The following MRE11 variants were observed in gnomAD, a reference collection of about 807,000 sequenced individuals.
MRE11 encodes MRE11 double strand break repair nuclease, also known as double-strand break repair protein MRE11.
Under a neutral mutation model 91.7 loss-of-function variants are expected in MRE11, and 62 were observed. That is an observed-to-expected ratio of 0.68 (90% CI 0.55 to 0.84). The LOEUF (loss-of-function observed/expected upper bound fraction) is 0.84, where lower values mean the gene tolerates loss of function less well. MRE11 is among the 40% of genes least tolerant of loss of function. The pLI, the probability that MRE11 is intolerant of heterozygous loss-of-function variation, is 0.00. For missense variants in MRE11, 796 were observed against 852.9 expected, an observed-to-expected ratio of 0.93 and a Z score of 0.83; for synonymous variants, 273 against 271.4, an observed-to-expected ratio of 1.01 and a Z score of -0.06.
chr11:94,447,258 G>C lies in MRE11; in HGVS notation c.1744C>G (p.Gln582Glu). 6.2e-7 allele frequency: 1 copy of C among 1,613,760 alleles called. No individual in the cohort carries two copies. Among genetic ancestry groups the C allele is most frequent in the Non-Finnish European group, 8.5e-7 (1 of 1,179,972 alleles). Residue 582 changes from glutamine to glutamate, a missense_variant, in exon 15 of 20, where the codon CAG becomes GAG. Coordinates refer to ENST00000323929, the MANE Select transcript of MRE11 (RefSeq NM_005591.4). ...RGRGRRGGRG[Q>E]NSASRGGSQR... ...GACCCTCCTCTCGATGCTGAATTCT[G>C]CCCTCTTCCACCTCTTCGACCTCTT... is the stretch of plus-strand genomic sequence containing the variant.
chr11:94,450,888 C>T (rs1353304130), intron 14 of MRE11, among the ~76,000 whole-genome samples: 2 of 152,088 alleles, frequency 1.3e-5, no homozygotes, highest in African/African-American at 4.8e-5. Flanking sequence ...AAGCACTGGT[C>T]CTTTGGGACA....
chr11:94,489,310 C>T (rs1455305661), intron 3 of MRE11, among the ~76,000 whole-genome samples: 2 of 151,328 alleles, frequency 1.3e-5, no homozygotes, highest in South Asian at 2.1e-4. Flanking sequence ...CAGAGTAGAA[C>T]ATGCCGGTGT....
rs764827899 is a variant in MRE11 at position 94,476,290 on chromosome 11, T to G, written c.658A>C (p.Arg220=). ...AACTTTTTCAGAGAAAAGTTTTACC[T>G]GTTCTGATGAATCACAAATAAGTTA... ...WFNLFVIHQN[R]SKHGSTNFIP... Residue 220 remains arginine (R), a splice_region_variant and synonymous_variant, in exon 7 of 20, where the codon AGG becomes CGG. Coordinates refer to ENST00000323929, the MANE Select transcript of MRE11 (RefSeq NM_005591.4). 1 of 1,602,782 alleles carries G rather than the reference T, an allele frequency of 6.2e-7. No homozygotes were observed. Among genetic ancestry groups the G allele is most frequent in the East Asian group, 2.2e-5 (1 of 44,768 alleles).
At chr11:94,497,658 TTAAAAGTTTCA>T (rs1243098471), upstream of MRE11, 1 of 159,238 alleles carries the variant, frequency 6.3e-6, no homozygotes, top group Non-Finnish European at 1.4e-5. Flanking sequence ...AGTTTTATTT[TTAAAAGTTTCA>T]TACAGTGTGT....
At chr11:94,478,961 C>A in intron 5 of MRE11, 85 bp from the exon 6 acceptor site, 1 of 1,397,968 alleles carries the variant, frequency 7.2e-7, no homozygotes, top group Non-Finnish European at 1.0e-6. Context: ...TAAAAGCATA[C>A]TCCATATTCT....
rs864622154 is a variant in MRE11 at position 94,490,972 on chromosome 11, TAAGA to T, written c.21-11_21-8del. 2.2e-6 allele frequency: 3 copies of T among 1,386,944 alleles called. No homozygotes were observed. The highest frequency in any genetic ancestry group is 1.4e-5 in the African/African-American group (1 of 69,848). The allele number at this position is 1,386,944 out of a possible 1,614,324, so 85.9% of individuals were successfully genotyped here. A position where few individuals can be genotyped will look rare whatever the true frequency, so the allele number is the denominator to read the frequency against. ...AAATGTGTTTTCATCATCACTATAT[TAAGA>T]AAGAAGAAACATTTCAATATATTAA... On this transcript the variant is annotated splice_polypyrimidine_tract_variant and splice_region_variant and intron_variant, in intron 2 of 19. Transcript: ENST00000323929.
At chr11:94,510,759 T>C in the MRE11 span, among the ~76,000 whole-genome samples, 1 of 152,308 alleles carries the variant, frequency 6.6e-6, no homozygotes, top group African/African-American at 2.4e-5. Flanking sequence ...CCGAAGGGCT[T>C]AGCAAAAGCC....
chr11:94,416,680 C>G lies in MRE11; in HGVS notation c.*3445G>C, dbSNP rs1471143589. On this transcript the variant is annotated 3_prime_UTR_variant, in exon 20 of 20. Coordinates refer to ENST00000323929, the MANE Select transcript of MRE11 (RefSeq NM_005591.4). ...CTAACACAGAAAAACCCTGTCTCTA[C>G]TAAAAATACAAAAAAAAAAAAAAAA... The G allele has an allele frequency of 2.5e-5, 3 of 120,350 alleles. No individual in the cohort carries two copies. The allele number at this position is 120,350 out of a possible 1,614,324, so 7.5% of individuals were successfully genotyped here. A position where few individuals can be genotyped will look rare whatever the true frequency, so the allele number is the denominator to read the frequency against.
intron 15 of MRE11, 57 bp downstream of exon 15, chr11:94,447,162 G>T: frequency 6.7e-7 from 1 of 1,498,864 alleles, no homozygotes; most frequent in African/African-American, 1.4e-5. Flanking sequence ...ATCTAATTCT[G>T]TATTTTCCAC....
intron 3 of MRE11, among the ~76,000 whole-genome samples, chr11:94,489,399 G>A (rs1947228471): frequency 6.6e-6 from 1 of 152,102 alleles, no homozygotes; most frequent in South Asian, 2.1e-4. Context: ...GTCGAACCTT[G>A]TAGTTTGAAT....
intron 19 of MRE11, among the ~76,000 whole-genome samples, chr11:94,425,470 C>T (rs534574477): frequency 7.9e-5 from 12 of 152,242 alleles, no homozygotes; most frequent in Non-Finnish European, 1.0e-4. Context: ...GCTAACAATA[C>T]GATGGCAGGA....
the MRE11 span, among the ~76,000 whole-genome samples, chr11:94,508,194 G>A: frequency 3.9e-5 from 6 of 152,078 alleles, no homozygotes; most frequent in African/African-American, 9.7e-5. Context: ...CCATCCTCCC[G>A]CCTCAGCCTC....
At chr11:94,464,082 T>C in intron 11 of MRE11, 31 bp downstream of exon 11, 1 of 1,602,300 alleles carries the variant, frequency 6.2e-7, no homozygotes, top group Non-Finnish European at 8.5e-7. Flanking sequence ...TATAAGAACA[T>C]TTTTTTACCT....
intron 14 of MRE11, among the ~76,000 whole-genome samples, chr11:94,454,693 T>A (rs912692382): frequency 1.4e-4 from 21 of 152,218 alleles, no homozygotes; most frequent in Admixed American, 9.2e-4. Context: ...ATGAAATTTG[T>A]CACAGCCTCT....
At chr11:94,460,818 A>T in intron 12 of MRE11, 118 bp downstream of exon 12, 1 of 839,556 alleles carries the variant, frequency 1.2e-6, no homozygotes, top group Non-Finnish European at 1.9e-6. Context: ...CACCCTACTT[A>T]CTTCATAGAA....
chr11:94,456,515 TA>T lies in MRE11; in HGVS notation c.1501-178del, dbSNP rs3832746. On this transcript the variant is annotated intron_variant, in intron 13 of 19. Transcript: ENST00000323929. ...ACGTTAAAATTGCACAATGTACTCT[TA>T]AAAAAAAAAACTCATATTGACCCGA... 0.52 allele frequency among the ~76,000 whole-genome samples: 77,950 copies of T among 149,686 alleles called. 20,726 individuals carry two copies. The highest frequency in any genetic ancestry group is 0.65 in the African/African-American group (26,827 of 40,996).
chr11:94,493,407 A>T (rs981113982), intron 1 of MRE11, among the ~76,000 whole-genome samples: 2 of 152,164 alleles, frequency 1.3e-5, no homozygotes, highest in African/African-American at 2.4e-5. Flanking sequence ...CTGCGGAGGA[A>T]CACCTTTAAG....
At chr11:94,466,653 AGT>A in intron 10 of MRE11, 1 of 352,486 alleles carries the variant, frequency 2.8e-6, no homozygotes. Context: ...AAGCTCAGGA[AGT>A]CTGGCTCTAC....
intron 16 of MRE11, among the ~76,000 whole-genome samples, chr11:94,441,486 A>C (rs539391160): frequency 6.6e-6 from 1 of 152,336 alleles, no homozygotes; most frequent in Admixed American, 6.5e-5. Context: ...GTAACAAAGC[A>C]TGGAAGGAAA....
Sources: allele counts gnomAD v4.1 joint callset (sites outside exome capture counted in the v4.1 genomes callset), GRCh38; gene constraint gnomAD v4.1.1; transcripts MANE v1.5; gene names NCBI Gene and HGNC (gene_info 2026-07-23, HGNC 2026-07-21).